The following ZGRF1 variants were observed in gnomAD, a reference collection of about 807,000 sequenced individuals.
The protein encoded by ZGRF1 is zinc finger GRF-type containing 1.
In ZGRF1, 196 loss-of-function variants were observed where a neutral mutation model predicts 203.5. The ratio of observed to expected loss-of-function variants is 0.96; its 90% CI spans 0.86 to 1.08. The LOEUF is 1.08. Among genes scored for constraint, ZGRF1 ranks in the 50% least tolerant of loss-of-function variants. The probability of loss-of-function intolerance (pLI) is 0.00; values close to 1 mark genes in which losing one functional copy is unlikely to be tolerated. For missense variants in ZGRF1, 2,326 were observed against 2,416.3 expected (o/e 0.96, Z 0.78); for synonymous variants, 809 against 841.3 (o/e 0.96, Z 0.66).
At chr4:112,636,781 A>G (rs2149237028) in intron 1 of ZGRF1, 70 bp downstream of exon 1, 1 of 152,354 alleles carries the variant, frequency 6.6e-6, no homozygotes, top group South Asian at 2.1e-4. Context: ...TAAGGAGCAG[A>G]GTCTTTCGTC....
At position 112,617,753 on chromosome 4, in the gene ZGRF1, A is replaced by G. The variant is rs149449776; in HGVS notation, c.2289T>C (p.Ser763=). Reference sequence around the variant, plus strand: ...GCTTTTTTCCCAGTGGGTAAAACAAAGAATTGGAAATGTGGGTATTTGATT... The same window carrying G: ...GCTTTTTTCCCAGTGGGTAAAACAAGGAATTGGAAATGTGGGTATTTGATT... ...LDKSNTHISN[S]LFYPLGKKHL... is the part of the protein sequence containing the mutation. Residue 763 remains serine, a synonymous_variant, in exon 6 of 28, where the codon TCT becomes TCC. Transcript: ENST00000505019. 44 of 1,614,010 alleles carry G rather than the reference A, an allele frequency of 2.7e-5. No individual in the cohort carries two copies. The African/African-American group carries it at 5.5e-4, about 20-fold the overall frequency.
intron 20 of ZGRF1, among the ~76,000 whole-genome samples, chr4:112,556,888 G>C (rs1472160740): frequency 6.6e-6 from 1 of 152,078 alleles, no homozygotes; most frequent in Non-Finnish European, 1.5e-5. Flanking sequence ...AATAATGACT[G>C]TTTCTCCTAA....
intron 1 of ZGRF1, among the ~76,000 whole-genome samples, chr4:112,636,212 A>T (rs1336082289): frequency 1.3e-5 from 2 of 152,206 alleles, no homozygotes; most frequent in Non-Finnish European, 2.9e-5. Context: ...ATAAGTTTTT[A>T]AAGACCCCAG....
At chr4:112,567,004 A>G (rs892165463) in intron 16 of ZGRF1, among the ~76,000 whole-genome samples, 1 of 152,140 alleles carries the variant, frequency 6.6e-6, no homozygotes, top group African/African-American at 2.4e-5. Context: ...GTGGAGAAAA[A>G]CAGATGGTAA....
intron 16 of ZGRF1, among the ~76,000 whole-genome samples, chr4:112,566,059 C>T (rs1283704168): frequency 3.9e-5 from 6 of 152,030 alleles, no homozygotes; most frequent in Admixed American, 6.6e-5. Context: ...ATGTTTATTA[C>T]GGCACTATTC....
In ZGRF1 at chr4:112,589,839, G is replaced by A; in HGVS notation, c.3012C>T (p.Ser1004=). ...AGTTCAAAGAAAAGGTAGAAACAGG[G>A]CTCAATGTAGAGATGTTTTCTTCTG... ...TSPEENISTL[S]PVSTFSLNSR... The change falls in exon 11 of 28, where the codon AGC becomes AGT. Residue 1004 remains serine, a synonymous_variant. Transcript: ENST00000505019. 6.2e-7 allele frequency: 1 copy of A among 1,611,550 alleles called. No individual in the cohort carries two copies. Among genetic ancestry groups the A allele is most frequent in the African/African-American group, 1.3e-5 (1 of 74,844 alleles).
At position 112,539,610 on chromosome 4, in the gene ZGRF1, T is replaced by A; in HGVS notation, c.6252A>T (p.Gln2084His). 6.3e-7 allele frequency: 1 copy of A among 1,587,796 alleles called. No homozygotes were observed. Reference protein sequence around the residue: ...NHLLKDYFEKQVEEKQKKKSE... With the variant: ...NHLLKDYFEKHVEEKQKKKSE... ...TCTTTTTCTTCTGTTTTTCTTCCAC[T>A]TGTTTTTCAAAATAATCTTTAAGGA... The change falls in exon 28 of 28, where the codon CAA becomes CAT. Residue 2084 changes from glutamine (Q) to histidine (H), a missense_variant. Transcript: ENST00000505019.
chr4:112,617,576 T>C lies in ZGRF1; in HGVS notation c.2466A>G (p.Leu822=), dbSNP rs1184153832. The change falls in exon 6 of 28, where the codon TTA becomes TTG. Residue 822 remains leucine, a synonymous_variant. Coordinates refer to ENST00000505019, the MANE Select transcript of ZGRF1 (RefSeq NM_018392.5). Reference sequence around the variant, plus strand: ...ACTTTAAAATAGAAATGGTATTTACTAATCCAGAAAGTTCTGAAGAATTTC... The same window carrying C: ...ACTTTAAAATAGAAATGGTATTTACCAATCCAGAAAGTTCTGAAGAATTTC... The part of the protein sequence containing the change: ...NPRNSSELSG[L]VNTISILKSL... The C allele has an allele frequency of 1.2e-6, 2 of 1,613,818 alleles. No individual in the cohort carries two copies. Among genetic ancestry groups the C allele is most frequent in the African/African-American group, 1.3e-5 (1 of 74,930 alleles).
chr4:112,546,537 C>T (rs1738808534), intron 24 of ZGRF1, among the ~76,000 whole-genome samples: 2 of 152,162 alleles, frequency 1.3e-5, no homozygotes, highest in African/African-American at 4.8e-5. Context: ...CCCAATGCAA[C>T]AGTGTTGAGA....
chr4:112,586,389 T>G, intron 13 of ZGRF1, 56 bp downstream of exon 13: 1 of 1,363,182 alleles, frequency 7.3e-7, no homozygotes, highest in South Asian at 1.6e-5. Context: ...ATTCTCACAA[T>G]TTTACTACTT....
intron 3 of ZGRF1, chr4:112,628,901 AGACACT>A: frequency 2.5e-6 from 1 of 404,748 alleles, no homozygotes; most frequent in South Asian, 1.8e-5. Context: ...GAATAGCATC[AGACACT>A]GAATGAATTA....
chr4:112,630,515 T>C (rs1258492493), intron 3 of ZGRF1, among the ~76,000 whole-genome samples: 3 of 149,202 alleles, frequency 2.0e-5, no homozygotes, highest in East Asian at 2.0e-4. Flanking sequence ...CAAAAATCCA[T>C]CTCAAAAAAA....
At position 112,589,785 on chromosome 4, in the gene ZGRF1, GA is replaced by G. The variant is rs758010647; in HGVS notation, c.3065del (p.Phe1022SerfsTer6). 49 of 1,613,674 alleles carry G rather than the reference GA, an allele frequency of 3.0e-5. No homozygotes were observed. The Admixed American group carries it at 8.0e-4, about 26-fold the overall frequency. ...NSRDEDFMVE[F>X]SETSLKARTL... The stretch of plus-strand genomic sequence containing the variant: ...TTCTTGCTTTCAGGGACGTCTCAGA[GA>G]ATTCTACCATGAAGTCTTCATCTCT... On this transcript the variant is annotated frameshift_variant, in exon 11 of 28. Transcript: ENST00000505019. LOFTEE classifies it high-confidence loss of function.
At chr4:112,602,512 C>G (rs1340710738) in intron 10 of ZGRF1, among the ~76,000 whole-genome samples, 1 of 152,218 alleles carries the variant, frequency 6.6e-6, no homozygotes, top group Non-Finnish European at 1.5e-5. Flanking sequence ...TATCCAGTGA[C>G]TCAATGATGC....
In ZGRF1 at chr4:112,584,045, T is replaced by C; in HGVS notation, c.4231A>G (p.Lys1411Glu). 1 of 1,613,566 alleles carries C rather than the reference T, an allele frequency of 6.2e-7. No individual in the cohort carries two copies. The highest frequency in any genetic ancestry group is 8.5e-7 in the Non-Finnish European group (1 of 1,179,652). ...ARPGMVLSDIKSIGLYLRSQK... is the reference protein window; with the variant it reads ...ARPGMVLSDIESIGLYLRSQK... ...CTTCTTAAATATAAGCCAATACTCT[T>C]AATATCACTTAAAACCATGCCAGGT... The change falls in exon 15 of 28, where the codon AAG becomes GAG. Residue 1411 changes from lysine to glutamate, a missense_variant. Transcript: ENST00000505019.
chr4:112,623,469 C>A (rs2047129693), intron 4 of ZGRF1, among the ~76,000 whole-genome samples: 2 of 152,124 alleles, frequency 1.3e-5, no homozygotes, highest in Admixed American at 1.3e-4. Flanking sequence ...CCACAGTAGA[C>A]CTCTGCCTAT....
rs529682460 is a variant in ZGRF1, at chr4:112,613,328, C to G, written c.2603-740G>C. On this transcript the variant is annotated intron_variant, in intron 6 of 27. Coordinates refer to ENST00000505019, the MANE Select transcript of ZGRF1 (RefSeq NM_018392.5). Reference sequence around the variant, plus strand: ...AAAAAAACAGCACTTCATGCTATTTCTAGTCTATCTTAAATCCATTTTTAC... The same window carrying G: ...AAAAAAACAGCACTTCATGCTATTTGTAGTCTATCTTAAATCCATTTTTAC... Among the ~76,000 whole-genome samples, 8 of 152,164 alleles carry G rather than the reference C, an allele frequency of 5.3e-5. 2 individuals carry two copies. Among genetic ancestry groups the G allele is most frequent in the African/African-American group, 1.7e-4 (7 of 41,536 alleles).
chr4:112,603,760 G>A (rs760350214), intron 9 of ZGRF1, 63 bp from the exon 10 acceptor site: 7 of 1,246,602 alleles, frequency 5.6e-6, no homozygotes, highest in East Asian at 2.4e-5. Flanking sequence ...TATTCACAAA[G>A]TAAACACACA....
At chr4:112,568,105 A>G (rs1743474198) in intron 16 of ZGRF1, among the ~76,000 whole-genome samples, 1 of 152,188 alleles carries the variant, frequency 6.6e-6, no homozygotes, top group Non-Finnish European at 1.5e-5. Flanking sequence ...TTCAGGAAAT[A>G]TAAAGGAAAA....
Sources: allele counts gnomAD v4.1 joint callset (sites outside exome capture counted in the v4.1 genomes callset), GRCh38; gene constraint gnomAD v4.1.1; transcripts MANE v1.5; gene names NCBI Gene and HGNC (gene_info 2026-07-23, HGNC 2026-07-21).